Variants in NREP observed in about 807,000 individuals in gnomAD.
The protein encoded by NREP is neuronal regeneration-related protein.
In NREP, 5 loss-of-function variants were observed where a neutral mutation model predicts 8.6. The ratio of observed to expected loss-of-function variants is 0.58; its 90% CI spans 0.30 to 1.22. The LOEUF is 1.22. Among genes scored for constraint, NREP ranks in the 50% most tolerant of loss-of-function variants. NREP has a pLI of 0.07. For synonymous variants in NREP, 27 were observed against 28.0 expected, an observed-to-expected ratio of 0.96 and a Z score of 0.11; for missense variants, 86 against 82.5, an observed-to-expected ratio of 1.04 and a Z score of -0.17.
At chr5:111,793,267 G>A (rs1332674406) in intron 2 of NREP, among the ~76,000 whole-genome samples, 2 of 152,118 alleles carry the variant, frequency 1.3e-5, no homozygotes, top group Non-Finnish European at 2.9e-5. Context: ...ATTGGCTTAT[G>A]TGATTACGGA....
chr5:111,808,389 T>C (rs1422448716), intron 2 of NREP, among the ~76,000 whole-genome samples: 1 of 152,184 alleles, frequency 6.6e-6, no homozygotes, highest in Non-Finnish European at 1.5e-5. Flanking sequence ...AAGCCTGTCT[T>C]CTCTATTAGG....
At chr5:111,872,558 G>A (rs1753814355) in intron 2 of NREP, among the ~76,000 whole-genome samples, 1 of 152,102 alleles carries the variant, frequency 6.6e-6, no homozygotes, top group Non-Finnish European at 1.5e-5. Flanking sequence ...TATTTTAGGA[G>A]GATTGATGGT....
At chr5:111,845,725 C>A (rs1753146761) in intron 2 of NREP, among the ~76,000 whole-genome samples, 1 of 151,974 alleles carries the variant, frequency 6.6e-6, no homozygotes, top group South Asian at 2.1e-4. Context: ...ATACTACACA[C>A]TCAAATTTTT....
upstream of NREP, chr5:111,757,788 C>T (rs1450887350): frequency 4.1e-6 from 4 of 975,656 alleles, no homozygotes; most frequent in African/African-American, 1.8e-5. Flanking sequence ...CGGCCAGCCT[C>T]TCCGCCTCGA....
chr5:111,825,222 T>C (rs1178330928), intron 2 of NREP, among the ~76,000 whole-genome samples: 1 of 152,004 alleles, frequency 6.6e-6, no homozygotes, highest in Non-Finnish European at 1.5e-5. Flanking sequence ...GAAAAATAAA[T>C]AAATAAATAA....
At chr5:111,976,872 A>G in exon 1 of NREP, 1 of 662,510 alleles carries the variant, frequency 1.5e-6, no homozygotes. Context: ...CTTTTGATAA[A>G]TAGCATGATT....
intron 2 of NREP, 21 bp from the exon 3 acceptor site, chr5:111,735,528 A>G (rs1156680640): frequency 6.4e-7 from 1 of 1,565,270 alleles, no homozygotes; most frequent in African/African-American, 1.3e-5. Context: ...ACAAAAGCAT[A>G]CACATTCAGA....
At chr5:111,781,390 G>C (rs769317794) in intron 2 of NREP, among the ~76,000 whole-genome samples, 1 of 152,114 alleles carries the variant, frequency 6.6e-6, no homozygotes, top group Non-Finnish European at 1.5e-5. Context: ...ATTCTGACCA[G>C]CAGCCCCAGA....
chr5:111,909,320 C>A (rs1248617384), intron 2 of NREP, among the ~76,000 whole-genome samples: 2 of 152,142 alleles, frequency 1.3e-5, no homozygotes, highest in East Asian at 3.9e-4. Context: ...TAGAGCTTAG[C>A]ATCTTCCCTT....
At chr5:111,863,435 G>A (rs1175976204) in intron 2 of NREP, among the ~76,000 whole-genome samples, 1 of 152,086 alleles carries the variant, frequency 6.6e-6, no homozygotes, top group Non-Finnish European at 1.5e-5. Flanking sequence ...CAGAAAAGAG[G>A]TCTGTGCTGA....
rs603372 is a variant in NREP, at chr5:111,887,126, A to C, written c.135+88148T>G. ...TTTTATAGAGTTGAGGTTTCACTAT[A>C]TTGCCTAGGCTGGTCTCGAGCTCTT... On this transcript the variant is annotated intron_variant, in intron 2 of 3. Transcript: ENST00000395634. 2.0e-5 allele frequency among the ~76,000 whole-genome samples: 3 copies of C among 152,236 alleles called. No homozygotes were observed. The East Asian group carries it at 5.8e-4, about 29-fold the overall frequency.
chr5:111,823,468 ATTTATC>A (rs896319292), intron 2 of NREP, among the ~76,000 whole-genome samples: 9 of 152,192 alleles, frequency 5.9e-5, no homozygotes, highest in Non-Finnish European at 8.8e-5. Flanking sequence ...ACTCATATAT[ATTTATC>A]TTTATCAATA....
At chr5:111,755,927 C>G in intron 1 of NREP, 97 bp from the exon 2 acceptor site, 2 of 1,541,752 alleles carry the variant, frequency 1.3e-6, no homozygotes, top group South Asian at 2.4e-5. Context: ...TAACCATTTT[C>G]TGTGGTTAAG....
intron 2 of NREP, among the ~76,000 whole-genome samples, chr5:111,899,894 T>C (rs1008726184): frequency 5.3e-5 from 8 of 152,210 alleles, no homozygotes; most frequent in African/African-American, 1.7e-4. Flanking sequence ...ACTTTCAGTA[T>C]TGGACAGATC....
chr5:111,731,394 T>TTGA (rs1301934240), intron 3 of NREP, among the ~76,000 whole-genome samples: 1 of 149,106 alleles, frequency 6.7e-6, no homozygotes, highest in East Asian at 2.0e-4. Context: ...GACTGGGTGA[T>TTGA]TGATAGATAC....
At chr5:111,910,475 A>G (rs1195920914) in intron 2 of NREP, among the ~76,000 whole-genome samples, 1 of 152,056 alleles carries the variant, frequency 6.6e-6, no homozygotes, top group Non-Finnish European at 1.5e-5. Context: ...AGGCCTTAAG[A>G]ATGGAATAAC....
At chr5:111,972,235 A>G (rs962937248) in intron 2 of NREP, among the ~76,000 whole-genome samples, 1 of 152,188 alleles carries the variant, frequency 6.6e-6, no homozygotes, top group Non-Finnish European at 1.5e-5. Context: ...GAAAAAAATA[A>G]CAAGTATGGA....
At chr5:111,934,818 C>G (rs1755636760) in intron 2 of NREP, among the ~76,000 whole-genome samples, 1 of 152,050 alleles carries the variant, frequency 6.6e-6, no homozygotes, top group Non-Finnish European at 1.5e-5. Flanking sequence ...TATGGAGAAC[C>G]TCCTGGGAGA....
intron 2 of NREP, among the ~76,000 whole-genome samples, chr5:111,803,745 T>A (rs1454534123): frequency 6.6e-6 from 1 of 152,214 alleles, no homozygotes; most frequent in East Asian, 1.9e-4. Context: ...CATTGTCATT[T>A]TATGTTGTAT....
Sources: gnomAD v4.1 joint callset for allele counts (sites outside exome capture counted in the v4.1 genomes callset) on GRCh38, gnomAD v4.1.1 for gene constraint, MANE v1.5 for transcripts, NCBI Gene and HGNC (gene_info 2026-07-23, HGNC 2026-07-21) for gene names.